MYO1E: variants seen among roughly 807,000 people sequenced by gnomAD.
MYO1E encodes the protein myosin IE.
Under a neutral mutation model 151.1 loss-of-function variants are expected in MYO1E, and 68 were observed. The observed-to-expected ratio is 0.45, with a 90% CI of 0.37 to 0.55. The LOEUF is 0.55. Among genes scored for constraint, MYO1E ranks in the 20% least tolerant of loss-of-function variants. The pLI is 0.00. For synonymous variants in MYO1E, 601 were observed against 501.7 expected (o/e 1.20, Z -2.64); for missense variants, 1,363 against 1,389.3 (o/e 0.98, Z 0.30).
At chr15:59,268,915 C>T (rs1296751699) in intron 2 of MYO1E, among the ~76,000 whole-genome samples, 1 of 151,400 alleles carries the variant, frequency 6.6e-6, no homozygotes, top group Non-Finnish European at 1.5e-5. Flanking sequence ...GGACTGACTA[C>T]GGACATCATT....
rs139375842 is a variant in MYO1E, at chr15:59,366,308, C to T, written c.3+6190G>A. Among the ~76,000 whole-genome samples the T allele has an allele frequency of 5.9e-4, 65 of 110,968 alleles. No homozygotes were observed. The East Asian group carries it at 0.013, about 22-fold the overall frequency. The allele number at this position is 110,968 out of a possible 152,430, so 72.8% of individuals were successfully genotyped here. On this transcript the variant is annotated intron_variant, in intron 1 of 27. Coordinates refer to ENST00000288235, the MANE Select transcript of MYO1E (RefSeq NM_004998.4). Reference sequence around the variant, plus strand: ...CTCTTTCTTTTTTTTCTCTCTCTCTCTTTCTCTCTCTCTCTCTCACTCTCA... The same window carrying T: ...CTCTTTCTTTTTTTTCTCTCTCTCTTTTTCTCTCTCTCTCTCTCACTCTCA...
rs1427986176 is a variant in MYO1E at position 59,256,315 on chromosome 15, T to C, written c.301A>G (p.Ile101Val). 6.2e-7 allele frequency: 1 copy of C among 1,612,908 alleles called. No individual in the cohort carries two copies. The highest frequency in any genetic ancestry group is 1.1e-5 in the South Asian group (1 of 91,046). ...LADNMYRNMI[I>V]DRENQCVIIS... ...ATGACGCACTGGTTCTCTCTGTCAATGATCATGTTTCTGTACATATTATCT... is the reference window on the plus strand; with the variant it reads ...ATGACGCACTGGTTCTCTCTGTCAACGATCATGTTTCTGTACATATTATCT... The change falls in exon 4 of 28, where the codon ATT (isoleucine) becomes GTT (valine). Residue 101 changes from isoleucine to valine, a missense_variant. Transcript: ENST00000288235.
At chr15:59,318,908 T>C (rs545352071) in intron 1 of MYO1E, among the ~76,000 whole-genome samples, 89 of 152,346 alleles carry the variant, frequency 5.8e-4, no homozygotes, top group Non-Finnish European at 1.1e-3. Flanking sequence ...TTATAGAAAC[T>C]GGGCATTTTA....
chr15:59,351,142 G>A (rs2140434764), intron 1 of MYO1E, among the ~76,000 whole-genome samples: 1 of 152,210 alleles, frequency 6.6e-6, no homozygotes, highest in South Asian at 2.1e-4. Flanking sequence ...CTCGTGATCG[G>A]CCCACCTCGG....
In MYO1E at chr15:59,172,111, C is replaced by CT. The variant is rs34904883; in HGVS notation, c.2335-70dup. The CT allele has an allele frequency of 0.28, 448,123 of 1,574,958 alleles. 72,943 individuals are homozygous for CT. The highest frequency in any genetic ancestry group is 0.64 in the East Asian group (28,374 of 44,454). Reference sequence around the variant, plus strand: ...GTGGCTCACACCTGTAATCCCAGTACTTTCGGAGGCCGAGGCGGGTGAATC... The same window carrying CT: ...GTGGCTCACACCTGTAATCCCAGTACTTTTCGGAGGCCGAGGCGGGTGAATC... On this transcript the variant is annotated intron_variant, in intron 21 of 27. Transcript: ENST00000288235.
At position 59,347,332 on chromosome 15, in the gene MYO1E, T is replaced by C. The variant is rs1433705975; in HGVS notation, c.3+25166A>G. On this transcript the variant is annotated intron_variant, in intron 1 of 27. Transcript: ENST00000288235. Reference sequence around the variant, plus strand: ...GTGGAACAGTTTTCTCCCAAAACCATCCCCACTCCACACCCCAGGCTGCAG... The same window carrying C: ...GTGGAACAGTTTTCTCCCAAAACCACCCCCACTCCACACCCCAGGCTGCAG... Among the ~76,000 whole-genome samples, 3 of 152,128 alleles carry C rather than the reference T, an allele frequency of 2.0e-5. No homozygotes were observed. The East Asian group carries it at 5.8e-4, about 29-fold the overall frequency.
At chr15:59,208,918 T>C in intron 13 of MYO1E, 70 bp from the exon 14 acceptor site, 1 of 1,582,254 alleles carries the variant, frequency 6.3e-7, no homozygotes, top group East Asian at 2.2e-5. Context: ...ATCAGGTCCT[T>C]TCTTAGGCAA....
At chr15:59,195,118 C>A (rs1282299018) in intron 17 of MYO1E, among the ~76,000 whole-genome samples, 1 of 152,150 alleles carries the variant, frequency 6.6e-6, no homozygotes, top group South Asian at 2.1e-4. Context: ...CGATCAGGGG[C>A]TGGGTGGACT....
At chr15:59,333,588 T>C (rs191075453) in intron 1 of MYO1E, among the ~76,000 whole-genome samples, 5 of 152,284 alleles carry the variant, frequency 3.3e-5, no homozygotes, top group Non-Finnish European at 5.9e-5. Flanking sequence ...CATTGTGAAA[T>C]TACTACTACT....
intron 23 of MYO1E, among the ~76,000 whole-genome samples, chr15:59,162,802 T>G (rs2079545456): frequency 6.6e-6 from 1 of 152,134 alleles, no homozygotes; most frequent in African/African-American, 2.4e-5. Context: ...CTCTGTCACT[T>G]TTATCTGCTT....
chr15:59,214,203 G>A, intron 12 of MYO1E, 25 bp downstream of exon 12: 2 of 1,556,212 alleles, frequency 1.3e-6, no homozygotes, highest in Non-Finnish European at 1.8e-6. Context: ...AAATAGAATA[G>A]GATGAAGGAA....
intron 1 of MYO1E, chr15:59,341,295 T>A (rs2080764285): frequency 6.6e-6 from 1 of 152,160 alleles, no homozygotes; most frequent in Non-Finnish European, 1.5e-5. Flanking sequence ...TAGCAAACAC[T>A]AGATTTTTTT....
At chr15:59,328,198 G>C (rs1433649712) in intron 1 of MYO1E, among the ~76,000 whole-genome samples, 1 of 152,222 alleles carries the variant, frequency 6.6e-6, no homozygotes, top group African/African-American at 2.4e-5. Flanking sequence ...GCAAAATGTG[G>C]CCTTTGCTCA....
intron 1 of MYO1E, among the ~76,000 whole-genome samples, chr15:59,293,461 G>A (rs2080431461): frequency 6.6e-6 from 1 of 151,682 alleles, no homozygotes. Flanking sequence ...CAGGAGAATC[G>A]CTTGAACCTG....
At chr15:59,339,940 T>G (rs1275540131) in intron 1 of MYO1E, among the ~76,000 whole-genome samples, 23 of 151,982 alleles carry the variant, frequency 1.5e-4, no homozygotes. Flanking sequence ...CTCTGCCTTC[T>G]GGGTTCAAGC....
chr15:59,160,979 C>T, intron 24 of MYO1E, 94 bp downstream of exon 24: 4 of 1,517,770 alleles, frequency 2.6e-6, no homozygotes, highest in Non-Finnish European at 3.6e-6. Flanking sequence ...TACTGATTCT[C>T]AGCCCCCACA....
In MYO1E at chr15:59,350,919, C is replaced by T. The variant is rs538308422; in HGVS notation, c.3+21579G>A. ...TTTTTGTTTTTTGTCTTTTTTGAGACGGAGTCTCGCTCTGTCACCCAGGCT... is the reference window on the plus strand; with the variant it reads ...TTTTTGTTTTTTGTCTTTTTTGAGATGGAGTCTCGCTCTGTCACCCAGGCT... On this transcript the variant is annotated intron_variant, in intron 1 of 27. Coordinates refer to ENST00000288235, the MANE Select transcript of MYO1E (RefSeq NM_004998.4). This position sits in a 1 kb window ranked among gnomAD's most constrained non-coding sequence, Gnocchi z 5.0. Among the ~76,000 whole-genome samples, 10 of 152,254 alleles carry T rather than the reference C, an allele frequency of 6.6e-5. No homozygotes were observed. The South Asian group carries it at 1.0e-3, about 16-fold the overall frequency.
intron 14 of MYO1E, chr15:59,208,027 G>A (rs1169353177): frequency 6.3e-7 from 1 of 1,592,056 alleles, no homozygotes; most frequent in Non-Finnish European, 8.5e-7. Context: ...TGAAGAAGAG[G>A]CCCATCTGAA....
chr15:59,314,669 A>G lies in MYO1E; in HGVS notation c.4-42220T>C, dbSNP rs115780462. ...CTCCCCAGAGGACATTTGGCAGAAT[A>G]TGGATTCATTCTTGGTGGTCAGACT... On this transcript the variant is annotated intron_variant, in intron 1 of 27. Transcript: ENST00000288235. 8.8e-3 allele frequency among the ~76,000 whole-genome samples: 1,332 copies of G among 152,218 alleles called. 14 individuals carry two copies. The highest frequency in any genetic ancestry group is 0.03 in the African/African-American group (1,258 of 41,530).
Sources: gnomAD v4.1 joint callset for allele counts (sites outside exome capture counted in the v4.1 genomes callset) on GRCh38, gnomAD v4.1.1 for gene constraint, Gnocchi (gnomAD v3.1) non-coding constraint, MANE v1.5 for transcripts, NCBI Gene and HGNC (gene_info 2026-07-23, HGNC 2026-07-21) for gene names.